Variants in TEX36 observed in about 807,000 individuals in gnomAD.
TEX36 encodes testis expressed 36, also known as testis-expressed protein 36.
Under a neutral mutation model 13.6 loss-of-function variants are expected in TEX36, and 12 were observed. The ratio of observed to expected loss-of-function variants is 0.88; its 90% CI spans 0.56 to 1.43. The LOEUF is 1.43. TEX36 is among the 40% of genes most tolerant of loss of function. The pLI is 0.00. For missense variants in TEX36, 224 were observed against 228.3 expected, an observed-to-expected ratio of 0.98 and a Z score of 0.12; for synonymous variants, 93 against 83.0, an observed-to-expected ratio of 1.12 and a Z score of -0.65.
rs145296590 is a variant in TEX36 at position 125,657,435 on chromosome 10, G to T, written c.265-1239C>A. Among the ~76,000 whole-genome samples the T allele has an allele frequency of 2.6e-5, 4 of 152,250 alleles. No individual in the cohort carries two copies. In the East Asian group the frequency reaches 7.7e-4, roughly 29 times the overall value. On this transcript the variant is annotated intron_variant, in intron 3 of 3. Coordinates refer to ENST00000368821, the MANE Select transcript of TEX36 (RefSeq NM_001128202.3). ...GGGACTGGAGGGACAAGTGTATGAC[G>T]CGGGGCACAATGTCCAAGTCGGCTT...
At chr10:125,607,782 G>T (rs1179615112) in intron 3 of TEX36, among the ~76,000 whole-genome samples, 1 of 151,928 alleles carries the variant, frequency 6.6e-6, no homozygotes, top group Non-Finnish European at 1.5e-5. Flanking sequence ...TATTTACTGG[G>T]TAAGCAAATG....
intron 3 of TEX36, among the ~76,000 whole-genome samples, chr10:125,622,667 G>T (rs557190734): frequency 6.6e-6 from 1 of 152,354 alleles, no homozygotes; most frequent in East Asian, 1.9e-4. Context: ...TGGTCGTAGA[G>T]CCATTGACCT....
intron 3 of TEX36, among the ~76,000 whole-genome samples, chr10:125,601,317 T>C (rs956548290): frequency 3.3e-5 from 5 of 152,258 alleles, no homozygotes; most frequent in African/African-American, 1.2e-4. Flanking sequence ...GGGACCTCCC[T>C]GTAACTTGCC....
At chr10:125,656,249 CTTTTTTTTTTTTTTTTT>C in intron 3 of TEX36, 53 bp from the exon 4 acceptor site, 1 of 261,532 alleles carries the variant, frequency 3.8e-6, no homozygotes, top group South Asian at 4.0e-5. Context: ...TCACATAGTT[CTTTTTTTTTTTTTTTTT>C]TTTTTTTTGA....
intron 3 of TEX36, among the ~76,000 whole-genome samples, chr10:125,633,952 A>T (rs1430696615): frequency 6.6e-6 from 1 of 151,736 alleles, no homozygotes; most frequent in African/African-American, 2.4e-5. Context: ...TTTAGTACCC[A>T]CCCCTCTGCC....
At chr10:125,641,831 T>G (rs1846697362) in intron 3 of TEX36, among the ~76,000 whole-genome samples, 4 of 152,330 alleles carry the variant, frequency 2.6e-5, no homozygotes, top group Admixed American at 2.6e-4. Context: ...GACCTACCCC[T>G]CCATTCCTGT....
chr10:125,681,633 T>C (rs1328792958), intron 1 of TEX36, among the ~76,000 whole-genome samples: 1 of 152,256 alleles, frequency 6.6e-6, no homozygotes, highest in Non-Finnish European at 1.5e-5. Context: ...TAAAACTAGT[T>C]ATAACTTTCT....
chr10:125,646,117 T>C (rs1846763594), intron 3 of TEX36, among the ~76,000 whole-genome samples: 1 of 152,036 alleles, frequency 6.6e-6, no homozygotes. Flanking sequence ...TCACTTGAGC[T>C]CAGGAGTTTG....
At chr10:125,616,966 C>A (rs1416928627), downstream of TEX36, among the ~76,000 whole-genome samples, 5 of 152,096 alleles carry the variant, frequency 3.3e-5, no homozygotes, top group Admixed American at 3.3e-4. Flanking sequence ...AATCTGGGTG[C>A]TCTTGTATTG....
intron 1 of TEX36, among the ~76,000 whole-genome samples, chr10:125,676,781 G>T (rs952199205): frequency 1.3e-5 from 2 of 152,000 alleles, no homozygotes; most frequent in African/African-American, 2.4e-5. Flanking sequence ...CCTCCTTTGT[G>T]TGATTGTTCT....
At chr10:125,621,743 C>G in intron 3 of TEX36, 1 of 440,612 alleles carries the variant, frequency 2.3e-6, no homozygotes, top group East Asian at 7.0e-5. Context: ...GCCAAAGGCC[C>G]AAGAGCCCCC....
At chr10:125,656,291 C>G (rs1846942451) in intron 3 of TEX36, 95 bp from the exon 4 acceptor site, 1 of 1,188,910 alleles carries the variant, frequency 8.4e-7, no homozygotes, top group African/African-American at 1.9e-5. Flanking sequence ...GAGTCTTGCT[C>G]TGTCACCCAG....
intron 3 of TEX36, among the ~76,000 whole-genome samples, chr10:125,579,047 T>C (rs1256168440): frequency 6.6e-6 from 1 of 152,186 alleles, no homozygotes; most frequent in Non-Finnish European, 1.5e-5. Flanking sequence ...CAGAAAGGAC[T>C]CCTGATTAGT....
At chr10:125,632,926 C>T (rs1471845222) in intron 3 of TEX36, among the ~76,000 whole-genome samples, 1 of 152,126 alleles carries the variant, frequency 6.6e-6, no homozygotes, top group Non-Finnish European at 1.5e-5. Flanking sequence ...GAATTCAAGA[C>T]CAGCCTGGCC....
chr10:125,656,078 G>C lies in TEX36; in HGVS notation c.383C>G (p.Ser128Ter). 1 of 1,551,658 alleles carries C rather than the reference G, an allele frequency of 6.4e-7. No individual in the cohort carries two copies. Among genetic ancestry groups the C allele is most frequent in the Non-Finnish European group, 8.7e-7 (1 of 1,147,034 alleles). ...CLDGFSNNQI[S>*]YVYKEAMVVS... ...CACCATGGCTTCTTTATATACGTAT[G>C]ATATTTGGTTATTTGAAAAGCCATC... The change falls in exon 4 of 4, where the codon TCA becomes TGA. Residue 128 changes from serine (S) to a stop codon, truncating the protein, a stop_gained. Transcript: ENST00000368821. LOFTEE classifies it low-confidence loss of function (END_TRUNC).
At chr10:125,664,164 CA>C (rs1318554800) in intron 1 of TEX36, among the ~76,000 whole-genome samples, 3 of 152,024 alleles carry the variant, frequency 2.0e-5, no homozygotes, top group African/African-American at 7.2e-5. Flanking sequence ...TTGCAAATGA[CA>C]GAATCTCATT....
At chr10:125,631,407 ATGACG>A (rs903664148) in intron 3 of TEX36, among the ~76,000 whole-genome samples, 1 of 152,204 alleles carries the variant, frequency 6.6e-6, no homozygotes, top group Non-Finnish European at 1.5e-5. Flanking sequence ...CCTCGGCTGT[ATGACG>A]GAGGAGAGCC....
chr10:125,599,682 C>G (rs1589748337), intron 3 of TEX36, among the ~76,000 whole-genome samples: 2 of 152,128 alleles, frequency 1.3e-5, no homozygotes, highest in Admixed American at 1.3e-4. Context: ...AAACAACTGG[C>G]AAAAAAATCT....
chr10:125,632,907 T>C (rs1846575650), intron 3 of TEX36, among the ~76,000 whole-genome samples: 2 of 152,178 alleles, frequency 1.3e-5, no homozygotes, highest in African/African-American at 4.8e-5. Context: ...GTGGATCATT[T>C]GAGGTCAGGA....
Sources: allele counts gnomAD v4.1 joint callset (sites outside exome capture counted in the v4.1 genomes callset), GRCh38; gene constraint gnomAD v4.1.1; transcripts MANE v1.5; gene names NCBI Gene and HGNC (gene_info 2026-07-23, HGNC 2026-07-21).